The following BPTF variants were observed in gnomAD, a reference collection of about 807,000 sequenced individuals.
BPTF encodes nucleosome-remodeling factor subunit BPTF.
In BPTF, 18 loss-of-function variants were observed where a neutral mutation model predicts 292.5. That is an observed-to-expected ratio of 0.06 (90% confidence interval 0.04 to 0.09). The LOEUF is 0.09. Among genes scored for constraint, BPTF ranks in the 10% least tolerant of loss-of-function variants. The pLI, the probability that BPTF is intolerant of heterozygous loss-of-function variation, is 1.00. For synonymous variants in BPTF, 1,225 were observed against 1,251.9 expected (o/e 0.98, Z 0.45); for missense variants, 2,726 against 3,498.7 (o/e 0.78, Z 5.57).
At chr17:67,960,422 A>G (rs2067366038) in intron 24 of BPTF, 1 of 152,248 alleles carries the variant, frequency 6.6e-6, no homozygotes, top group Non-Finnish European at 1.5e-5. Context: ...AAAAGCCAGA[A>G]AAATACAAAA....
intron 2 of BPTF, among the ~76,000 whole-genome samples, chr17:67,864,343 A>G (rs1324319082): frequency 2.0e-5 from 3 of 152,070 alleles, no homozygotes; most frequent in Admixed American, 6.6e-5. Flanking sequence ...CCTGGCCAAC[A>G]TGGCGAAACC....
intron 24 of BPTF, among the ~76,000 whole-genome samples, chr17:67,961,241 C>T (rs2067453741): frequency 6.6e-6 from 1 of 152,056 alleles, no homozygotes; most frequent in Non-Finnish European, 1.5e-5. Context: ...ATACATGTGC[C>T]CATTCCATCG....
rs554742854 is a variant in BPTF at position 67,964,749 on chromosome 17, C to T, written c.8454+345C>T. 5.3e-5 allele frequency among the ~76,000 whole-genome samples: 8 copies of T among 152,158 alleles called. No homozygotes were observed. The East Asian group carries it at 5.8e-4, about 11-fold the overall frequency. ...GGCATGGTGGCTCATGCCTGTAATC[C>T]CAGCACTTTGGGAGGCCAAGGTGGG... On this transcript the variant is annotated intron_variant, in intron 25 of 27. Transcript: ENST00000306378.
chr17:67,849,412 T>TG (rs1457894846), intron 1 of BPTF, among the ~76,000 whole-genome samples: 1 of 152,242 alleles, frequency 6.6e-6, no homozygotes, highest in African/African-American at 2.4e-5. Context: ...AACATGATAA[T>TG]GCCAGTCACT....
chr17:67,898,661 CTTT>C (rs11289448), intron 7 of BPTF, among the ~76,000 whole-genome samples: 8 of 136,812 alleles, frequency 5.8e-5, no homozygotes, highest in Non-Finnish European at 9.5e-5. Flanking sequence ...TATATGAAGT[CTTT>C]TTTTTTTTTT....
chr17:67,961,177 A>G (rs2067446246), intron 24 of BPTF, among the ~76,000 whole-genome samples: 3 of 152,224 alleles, frequency 2.0e-5, no homozygotes. Flanking sequence ...ACAGAAATTG[A>G]TTTCACACAC....
chr17:67,848,665 G>A (rs1271521704), intron 1 of BPTF, among the ~76,000 whole-genome samples: 8 of 152,166 alleles, frequency 5.3e-5, no homozygotes, highest in Admixed American at 2.0e-4. Context: ...GGCATGATGA[G>A]TGCTGTTGAC....
At chr17:67,953,111 G>T (rs2066541897) in intron 23 of BPTF, among the ~76,000 whole-genome samples, 1 of 150,326 alleles carries the variant, frequency 6.7e-6, no homozygotes, top group Non-Finnish European at 1.5e-5. Context: ...ACAGGCGCAG[G>T]CTGCAACGCC....
chr17:67,964,148 G>C (rs2067782682), intron 24 of BPTF, 64 bp from the exon 25 acceptor site: 2 of 1,506,694 alleles, frequency 1.3e-6, no homozygotes, highest in East Asian at 2.3e-5. Context: ...TCAGGTGCAT[G>C]CTTTATTATA....
At chr17:67,896,628 T>C (rs997934490) in intron 7 of BPTF, among the ~76,000 whole-genome samples, 9 of 152,246 alleles carry the variant, frequency 5.9e-5, no homozygotes, top group African/African-American at 2.2e-4. Context: ...CAGTATTGTT[T>C]AGGGATATAG....
chr17:67,928,489 C>G lies in BPTF; in HGVS notation c.5886C>G (p.Thr1962=), dbSNP rs959001566. ...APISGSVTTG[T]KMVLTTKVGS... Reference sequence around the variant, plus strand: ...TAAGTGGCTCAGTTACAACTGGAACCAAAATGGTACTAACTACTAAAGTTG... The same window carrying G: ...TAAGTGGCTCAGTTACAACTGGAACGAAAATGGTACTAACTACTAAAGTTG... The change falls in exon 16 of 28, where the codon ACC becomes ACG. Residue 1962 remains threonine, a synonymous_variant. Coordinates refer to ENST00000306378, the MANE Select transcript of BPTF (RefSeq NM_182641.4). The G allele has an allele frequency of 3.1e-6, 5 of 1,613,984 alleles. No homozygotes were observed. The African/African-American group carries it at 6.7e-5, about 22-fold the overall frequency.
chr17:67,978,304 A>ATT (rs1371059667), intron 27 of BPTF, among the ~76,000 whole-genome samples: 4 of 37,464 alleles, frequency 1.1e-4, no homozygotes, highest in Non-Finnish European at 2.9e-4. Flanking sequence ...ATATATATAT[A>ATT]TATATTTTTT....
At chr17:67,897,202 G>A (rs1017098503) in intron 7 of BPTF, among the ~76,000 whole-genome samples, 4 of 150,846 alleles carry the variant, frequency 2.7e-5, no homozygotes, top group Non-Finnish European at 4.4e-5. Flanking sequence ...TTAACCAGGC[G>A]TGGTGGCACA....
intron 2 of BPTF, among the ~76,000 whole-genome samples, chr17:67,863,918 A>G (rs1819222239): frequency 6.6e-6 from 1 of 151,720 alleles, no homozygotes; most frequent in Admixed American, 6.6e-5. Context: ...GTAGACATAT[A>G]ATATGTATGT....
intron 2 of BPTF, among the ~76,000 whole-genome samples, chr17:67,857,361 C>T (rs1328723260): frequency 2.6e-5 from 4 of 151,768 alleles, no homozygotes; most frequent in Non-Finnish European, 5.9e-5. Context: ...GGGGTTTCAC[C>T]GTGTTAGCCA....
intron 7 of BPTF, among the ~76,000 whole-genome samples, chr17:67,900,166 G>A (rs1190079893): frequency 6.6e-6 from 1 of 152,076 alleles, no homozygotes; most frequent in African/African-American, 2.4e-5. Flanking sequence ...GGGCAGTGGC[G>A]CCATCTCGGC....
chr17:67,907,516 G>A (rs571334746), intron 9 of BPTF, among the ~76,000 whole-genome samples: 24 of 151,764 alleles, frequency 1.6e-4, no homozygotes, highest in African/African-American at 5.8e-4. Flanking sequence ...CCACCACGCC[G>A]AGCTAATTTT....
chr17:67,894,855 C>G (rs1428686012), intron 7 of BPTF, among the ~76,000 whole-genome samples: 1 of 152,044 alleles, frequency 6.6e-6, no homozygotes, highest in Non-Finnish European at 1.5e-5. Flanking sequence ...CCTGAGTAGA[C>G]CCAGGGCTGT....
At chr17:67,953,378 C>T (rs187225593) in intron 23 of BPTF, among the ~76,000 whole-genome samples, 4 of 151,920 alleles carry the variant, frequency 2.6e-5, no homozygotes, top group Non-Finnish European at 4.4e-5. Flanking sequence ...GCCTCAGCCT[C>T]CCAAGTAGCT....
Sources: gnomAD v4.1 joint callset for allele counts (sites outside exome capture counted in the v4.1 genomes callset) on GRCh38, gnomAD v4.1.1 for gene constraint, MANE v1.5 for transcripts, NCBI Gene and HGNC (gene_info 2026-07-23, HGNC 2026-07-21) for gene names.